ASTN2: variants seen among roughly 807,000 people sequenced by gnomAD.
ASTN2 encodes the protein astrotactin-2.
Under a neutral mutation model 139.8 loss-of-function variants are expected in ASTN2, and 54 were observed. That is an observed-to-expected ratio of 0.39 (90% CI 0.31 to 0.48). The LOEUF (loss-of-function observed/expected upper bound fraction) is 0.48, where lower values mean the gene tolerates loss of function less well. Ranked by LOEUF, ASTN2 falls within the 20% of genes least tolerant of loss-of-function variation. The pLI is 0.95. For synonymous variants in ASTN2, 756 were observed against 719.5 expected (o/e 1.05, Z -0.81); for missense variants, 1,565 against 1,725.1 (o/e 0.91, Z 1.64).
intron 5 of ASTN2, among the ~76,000 whole-genome samples, chr9:117,066,190 C>T (rs1446694759): frequency 8.5e-6 from 1 of 118,278 alleles, no homozygotes; most frequent in East Asian, 2.6e-4. Context: ...CACCACAGTC[C>T]CCAGAGTGTG....
chr9:116,639,676 G>A (rs1333169018), intron 17 of ASTN2, among the ~76,000 whole-genome samples: 1 of 152,322 alleles, frequency 6.6e-6, no homozygotes, highest in African/African-American at 2.4e-5. Flanking sequence ...AATGATGGTG[G>A]TGTGATAAAT....
chr9:117,400,946 C>T lies in ASTN2; in HGVS notation c.442+13551G>A, dbSNP rs116810680. Among the ~76,000 whole-genome samples the T allele has an allele frequency of 2.2e-3, 342 of 152,184 alleles. 2 individuals are homozygous for T. The highest frequency in any genetic ancestry group is 7.6e-3 in the African/African-American group (315 of 41,512). ...AGATCTTTAACCACATGACTTGCTT[C>T]GAGTGATCCTAAGCTCTCTCCAGCT... On this transcript the variant is annotated intron_variant, in intron 1 of 22. Coordinates refer to ENST00000313400, the MANE Select transcript of ASTN2 (RefSeq NM_001365068.1).
intron 5 of ASTN2, among the ~76,000 whole-genome samples, chr9:117,050,806 C>T (rs977624567): frequency 6.6e-6 from 1 of 152,156 alleles, no homozygotes; most frequent in African/African-American, 2.4e-5. Context: ...CTGACAGTGA[C>T]ACTGTGTCAT....
intron 4 of ASTN2, among the ~76,000 whole-genome samples, chr9:117,109,816 C>T (rs1364378611): frequency 6.6e-6 from 1 of 152,132 alleles, no homozygotes; most frequent in African/African-American, 2.4e-5. Context: ...ATTTTGAAGC[C>T]TCAGCCTTTC....
intron 19 of ASTN2, among the ~76,000 whole-genome samples, chr9:116,609,326 C>CTATATATATATA (rs549657082): frequency 3.2e-4 from 36 of 113,608 alleles, no homozygotes; most frequent in African/African-American, 1.1e-3. Flanking sequence ...CTCTCTCTCT[C>CTATATATATATA]TCTATATATA....
At chr9:116,964,256 T>TGTGTGTGCAC (rs1491183340) in intron 10 of ASTN2, among the ~76,000 whole-genome samples, 1 of 98,868 alleles carries the variant, frequency 1.0e-5, no homozygotes, top group African/African-American at 3.2e-5. Flanking sequence ...TGTGTGTGTG[T>TGTGTGTGCAC]GCGCGCGCGC....
At chr9:117,366,838 G>T (rs1054088854) in intron 1 of ASTN2, among the ~76,000 whole-genome samples, 12 of 152,026 alleles carry the variant, frequency 7.9e-5, no homozygotes, top group Non-Finnish European at 1.5e-4. Context: ...ACGGTGGCAT[G>T]ATCTCATCTC....
chr9:117,181,620 C>T (rs1831069146), intron 3 of ASTN2, among the ~76,000 whole-genome samples: 1 of 152,124 alleles, frequency 6.6e-6, no homozygotes, highest in Admixed American at 6.5e-5. Context: ...AGACCCAGGT[C>T]CCAATTGTAG....
intron 2 of ASTN2, among the ~76,000 whole-genome samples, chr9:117,268,773 A>T (rs777115022): frequency 2.0e-5 from 3 of 152,186 alleles, no homozygotes; most frequent in Admixed American, 1.3e-4. Context: ...ACAATGTGAC[A>T]TTAGACAAGC....
At chr9:117,279,764 T>C (rs886372548) in intron 2 of ASTN2, among the ~76,000 whole-genome samples, 4 of 152,294 alleles carry the variant, frequency 2.6e-5, no homozygotes, top group African/African-American at 9.6e-5. Context: ...TTAACCATGA[T>C]TCAACACTAT....
At chr9:116,704,344 C>G (rs1001394078) in intron 16 of ASTN2, among the ~76,000 whole-genome samples, 2 of 152,042 alleles carry the variant, frequency 1.3e-5, no homozygotes, top group African/African-American at 4.8e-5. Context: ...ACAACAACAT[C>G]AACAAAAAAC....
chr9:117,085,447 C>T (rs1828536317), intron 5 of ASTN2, among the ~76,000 whole-genome samples: 1 of 152,204 alleles, frequency 6.6e-6, no homozygotes, highest in Non-Finnish European at 1.5e-5. Context: ...GCATCACTCA[C>T]AGCAGAGTTG....
chr9:116,698,441 G>A lies in ASTN2; in HGVS notation c.2806+27330C>T. The A allele has an allele frequency of 6.2e-7, 1 of 1,614,130 alleles. No homozygotes were observed. The highest frequency in any genetic ancestry group is 1.3e-5 in the African/African-American group (1 of 75,038). ...GTTACCTGCTTAACATTGCAGAGGT[G>A]CAGGCTGTGTCTCGCTGTGACTACT... On this transcript the variant is annotated intron_variant, in intron 16 of 22. Coordinates refer to ENST00000313400, the MANE Select transcript of ASTN2 (RefSeq NM_001365068.1). This position sits in a 1 kb window ranked among gnomAD's most constrained non-coding sequence, Gnocchi z 4.4.
At chr9:117,413,132 C>T (rs780638453) in intron 1 of ASTN2, among the ~76,000 whole-genome samples, 1 of 152,234 alleles carries the variant, frequency 6.6e-6, no homozygotes, top group Non-Finnish European at 1.5e-5. Flanking sequence ...AGCGGGAGAA[C>T]CACTGGCACT....
chr9:116,717,022 C>A (rs906814977), intron 16 of ASTN2, among the ~76,000 whole-genome samples: 2 of 152,332 alleles, frequency 1.3e-5, no homozygotes, highest in African/African-American at 4.8e-5. Context: ...AGCCTGGGTT[C>A]AAATCCCTGC....
intron 16 of ASTN2, among the ~76,000 whole-genome samples, chr9:116,708,587 T>C (rs916369943): frequency 3.9e-5 from 6 of 152,100 alleles, no homozygotes; most frequent in Non-Finnish European, 8.8e-5. Context: ...GCACACTCAC[T>C]GAGGACACAT....
intron 19 of ASTN2, chr9:116,612,951 A>C (rs1855627300): frequency 6.6e-6 from 1 of 151,968 alleles, no homozygotes; most frequent in Non-Finnish European, 1.5e-5. Context: ...TTTTGAAAAA[A>C]TCAACAAAAT....
At chr9:116,450,189 C>T (rs1848131738) in intron 20 of ASTN2, among the ~76,000 whole-genome samples, 2 of 152,212 alleles carry the variant, frequency 1.3e-5, no homozygotes, top group African/African-American at 4.8e-5. Flanking sequence ...TACAACCACA[C>T]TCTTTTTTGG....
intron 1 of ASTN2, among the ~76,000 whole-genome samples, chr9:117,382,854 C>T (rs1004782033): frequency 6.6e-6 from 1 of 152,088 alleles, no homozygotes; most frequent in East Asian, 1.9e-4. Flanking sequence ...CTAAAAATGG[C>T]CACGTGTGAA....
Sources: allele counts gnomAD v4.1 joint callset (sites outside exome capture counted in the v4.1 genomes callset), GRCh38; gene constraint gnomAD v4.1.1; non-coding constraint Gnocchi (gnomAD v3.1); transcripts MANE v1.5; gene names NCBI Gene and HGNC (gene_info 2026-07-23, HGNC 2026-07-21).